The following CRTAP variants were observed in gnomAD, a reference collection of about 807,000 sequenced individuals.
CRTAP encodes cartilage-associated protein.
Under a neutral mutation model 42.7 loss-of-function variants are expected in CRTAP, and 33 were observed. The ratio of observed to expected loss-of-function variants is 0.77; its 90% CI spans 0.59 to 1.03. The LOEUF (loss-of-function observed/expected upper bound fraction) is 1.03. Ranked by LOEUF, CRTAP falls within the 50% of genes least tolerant of loss-of-function variation. The pLI is 0.00. For synonymous variants in CRTAP, 243 were observed against 217.7 expected, an observed-to-expected ratio of 1.12 and a Z score of -1.02; for missense variants, 613 against 533.9, an observed-to-expected ratio of 1.15 and a Z score of -1.46.
chr3:33,130,161 T>G, intron 4 of CRTAP, 94 bp downstream of exon 4: 1 of 1,309,836 alleles, frequency 7.6e-7, no homozygotes, highest in Non-Finnish European at 1.1e-6. Flanking sequence ...TTGTTGAGAG[T>G]TCATCAAGGT....
chr3:33,119,282 T>A (rs1178798511), intron 1 of CRTAP, among the ~76,000 whole-genome samples: 1 of 152,218 alleles, frequency 6.6e-6, no homozygotes, highest in African/African-American at 2.4e-5. Flanking sequence ...TCCTGAGGAC[T>A]GTGTGAGGCA....
At chr3:33,140,612 C>T (rs569282758) in intron 6 of CRTAP, among the ~76,000 whole-genome samples, 1 of 152,276 alleles carries the variant, frequency 6.6e-6, no homozygotes, top group African/African-American at 2.4e-5. Flanking sequence ...TGTGTATAAG[C>T]ACTCCTGAAA....
At chr3:33,139,773 C>T (rs1406211646) in intron 6 of CRTAP, among the ~76,000 whole-genome samples, 2 of 152,120 alleles carry the variant, frequency 1.3e-5, no homozygotes, top group Non-Finnish European at 1.5e-5. Context: ...CCACCGCACC[C>T]GGCCTGAATG....
chr3:33,128,780 A>C lies in CRTAP; in HGVS notation c.794-1159A>C, dbSNP rs116198250. 2.6e-3 allele frequency among the ~76,000 whole-genome samples: 395 copies of C among 152,330 alleles called. 1 individual carries two copies. Among genetic ancestry groups the C allele is most frequent in the African/African-American group, 9.0e-3 (376 of 41,566 alleles). On this transcript the variant is annotated intron_variant, in intron 3 of 6. Transcript: ENST00000320954. ...AAAGTGCCTGTTCCTCCACAGTCTT[A>C]TGAAATGTGTGCAACCCTTCTGGAG...
At chr3:33,131,450 G>C (rs2030260610) in intron 4 of CRTAP, among the ~76,000 whole-genome samples, 1 of 152,212 alleles carries the variant, frequency 6.6e-6, no homozygotes, top group Non-Finnish European at 1.5e-5. Context: ...ATTTAGAAGT[G>C]TTCTGGATGC....
rs1701312995 is a variant in CRTAP at position 33,114,250 on chromosome 3, A to G, written c.173A>G (p.Glu58Gly). The G allele has an allele frequency of 1.3e-6, 2 of 1,588,536 alleles. No homozygotes were observed. Among genetic ancestry groups the G allele is most frequent in the South Asian group, 1.1e-5 (1 of 88,536 alleles). The change falls in exon 1 of 7, where the codon GAG becomes GGG. Residue 58 changes from glutamate to glycine, a missense_variant. Physicochemically the swap from Glu to Gly is moderately conservative, Grantham distance 98. Transcript: ENST00000320954. Reference sequence around the variant, plus strand: ...CACGCGCTGGACAAGTACAGCGGCGAGCACTGGGCCGAGAGCGTGGGCTAC... The same window carrying G: ...CACGCGCTGGACAAGTACAGCGGCGGGCACTGGGCCGAGAGCGTGGGCTAC... Reference protein sequence around the residue: ...YRHALDKYSGEHWAESVGYLE... With the variant: ...YRHALDKYSGGHWAESVGYLE...
chr3:33,127,308 A>G (rs917274569), intron 3 of CRTAP, among the ~76,000 whole-genome samples: 2 of 152,064 alleles, frequency 1.3e-5, no homozygotes, highest in African/African-American at 4.8e-5. Flanking sequence ...CTTGTAGAGA[A>G]GTCGGAAGAA....
Position 33,128,856 on chromosome 3 carries a change from A to C in CRTAP, c.794-1083A>C, listed in dbSNP as rs559030581. ...GAGAAAAGGGAGGGAGCCAAGGATC[A>C]TGTGGGAGATTTTAGGGATTAGGCC... is the stretch of plus-strand genomic sequence containing the variant. On this transcript the variant is annotated intron_variant, in intron 3 of 6. Transcript: ENST00000320954. 1.6e-4 allele frequency among the ~76,000 whole-genome samples: 25 copies of C among 152,340 alleles called. No homozygotes were observed. In the South Asian group the frequency reaches 5.2e-3, roughly 32 times the overall value.
intron 3 of CRTAP, 152 bp downstream of exon 3, chr3:33,124,731 G>A: frequency 5.8e-6 from 5 of 863,942 alleles, no homozygotes; most frequent in Non-Finnish European, 9.5e-6. Context: ...GTCACCACCT[G>A]CATAGATAAA....
rs79350473 is a variant in CRTAP at position 33,122,346 on chromosome 3, C to T, written c.621+1853C>T. ...GTTGGCTACTTATTGACCCATTCTT[C>T]AGGAAAGGCTCCTTCAGTTCTCAGC... is the stretch of plus-strand genomic sequence containing the variant. On this transcript the variant is annotated intron_variant, in intron 2 of 6. Coordinates refer to ENST00000320954, the MANE Select transcript of CRTAP (RefSeq NM_006371.5). Among the ~76,000 whole-genome samples the T allele has an allele frequency of 1.7e-3, 259 of 152,050 alleles. 1 individual carries two copies. The highest frequency in any genetic ancestry group is 2.9e-3 in the Non-Finnish European group (197 of 67,984).
At chr3:33,127,219 T>C (rs1368573359) in intron 3 of CRTAP, among the ~76,000 whole-genome samples, 1 of 151,838 alleles carries the variant, frequency 6.6e-6, no homozygotes, top group Admixed American at 6.6e-5. Context: ...TTTGAGGTCC[T>C]GAGATTTATT....
At chr3:33,135,519 C>A (rs2125605096) in intron 6 of CRTAP, among the ~76,000 whole-genome samples, 1 of 151,674 alleles carries the variant, frequency 6.6e-6, no homozygotes, top group South Asian at 2.1e-4. Context: ...GTCCTAGCTA[C>A]TTGGAAGGCT....
chr3:33,144,643 G>A lies in CRTAP; in HGVS notation c.*2195G>A, dbSNP rs1485376295. ...GTCCTGGGCACTGGCTGTGTGAAGGGATCTGGCAGGGCACCACAGCGCCCC... is the reference window on the plus strand; with the variant it reads ...GTCCTGGGCACTGGCTGTGTGAAGGAATCTGGCAGGGCACCACAGCGCCCC... On this transcript the variant is annotated 3_prime_UTR_variant, in exon 7 of 7. Transcript: ENST00000320954. 1 of 152,292 alleles carries A rather than the reference G, an allele frequency of 6.6e-6. No homozygotes were observed. Among genetic ancestry groups the A allele is most frequent in the Non-Finnish European group, 1.5e-5 (1 of 68,174 alleles). 9.4% of individuals were successfully genotyped at this position (152,292 alleles called of 1,614,324 possible).
intron 6 of CRTAP, among the ~76,000 whole-genome samples, chr3:33,138,466 A>T (rs926497081): frequency 6.6e-6 from 1 of 152,116 alleles, no homozygotes; most frequent in African/African-American, 2.4e-5. Context: ...ATTCTTTTTT[A>T]AAAAATTAAA....
chr3:33,123,284 C>T (rs192365751), intron 2 of CRTAP, among the ~76,000 whole-genome samples: 45 of 152,314 alleles, frequency 3.0e-4, no homozygotes, highest in African/African-American at 9.6e-4. Flanking sequence ...ACCTAAATCT[C>T]ATGTCCAGTT....
Position 33,144,010 on chromosome 3 carries a change from G to A in CRTAP, c.*1562G>A, listed in dbSNP as rs561365493. On this transcript the variant is annotated 3_prime_UTR_variant, in exon 7 of 7. Transcript: ENST00000320954. ...GAGTGCCTTGATTGATTTATATTTT[G>A]CAAGGGTCATTCTAGCTGCCATATT... is the stretch of plus-strand genomic sequence containing the variant. 5 of 152,206 alleles carry A rather than the reference G, an allele frequency of 3.3e-5. No homozygotes were observed. Among genetic ancestry groups the A allele is most frequent in the Non-Finnish European group, 7.3e-5 (5 of 68,046 alleles). The allele number at this position is 152,206 out of a possible 1,614,324, so 9.4% of individuals were successfully genotyped here. A position where few individuals can be genotyped will look rare whatever the true frequency, so the allele number is the denominator to read the frequency against.
chr3:33,119,884 G>T (rs2125598404), intron 1 of CRTAP, among the ~76,000 whole-genome samples: 1 of 152,292 alleles, frequency 6.6e-6, no homozygotes, highest in African/African-American at 2.4e-5. Context: ...AGACTCTATG[G>T]AGAGGGTCAC....
At chr3:33,118,372 C>T (rs1701371450) in intron 1 of CRTAP, among the ~76,000 whole-genome samples, 1 of 152,204 alleles carries the variant, frequency 6.6e-6, no homozygotes. Context: ...TGAAGACTAG[C>T]CTTTTTCTGG....
At chr3:33,129,636 C>G (rs1012122126) in intron 3 of CRTAP, among the ~76,000 whole-genome samples, 1 of 144,656 alleles carries the variant, frequency 6.9e-6, no homozygotes, top group Non-Finnish European at 1.5e-5. Flanking sequence ...CTTCCGGGTT[C>G]ACGCCATTCT....
Sources: allele counts gnomAD v4.1 joint callset (sites outside exome capture counted in the v4.1 genomes callset), GRCh38; gene constraint gnomAD v4.1.1; transcripts MANE v1.5; gene names NCBI Gene and HGNC (gene_info 2026-07-23, HGNC 2026-07-21).